ADGRL3: variants seen among roughly 807,000 people sequenced by gnomAD.
ADGRL3 encodes the protein adhesion G protein-coupled receptor L3.
Under a neutral mutation model 153.5 loss-of-function variants are expected in ADGRL3, and 62 were observed. The ratio of observed to expected loss-of-function variants is 0.40; its 90% CI spans 0.33 to 0.50. ADGRL3 has a LOEUF of 0.50. Ranked by LOEUF, ADGRL3 falls within the 20% of genes least tolerant of loss-of-function variation. The pLI is 0.47. For missense variants in ADGRL3, 1,641 were observed against 1,859.4 expected, an observed-to-expected ratio of 0.88 and a Z score of 2.16; for synonymous variants, 710 against 672.5, an observed-to-expected ratio of 1.06 and a Z score of -0.86.
At chr4:61,691,336 T>A (rs548777569) in intron 6 of ADGRL3, among the ~76,000 whole-genome samples, 1 of 152,174 alleles carries the variant, frequency 6.6e-6, no homozygotes, top group Non-Finnish European at 1.5e-5. Flanking sequence ...AAATCCCATT[T>A]ATTATTGGTT....
chr4:61,421,225 T>G (rs1031646925), intron 2 of ADGRL3, among the ~76,000 whole-genome samples: 1 of 152,080 alleles, frequency 6.6e-6, no homozygotes, highest in African/African-American at 2.4e-5. Flanking sequence ...TCCCAGCTAC[T>G]TGGGAGGCTG....
chr4:61,997,414 T>C (rs2099125451), intron 20 of ADGRL3, among the ~76,000 whole-genome samples: 1 of 152,020 alleles, frequency 6.6e-6, no homozygotes, highest in East Asian at 1.9e-4. Flanking sequence ...ATTTTTTGGA[T>C]TTGGGGATGA....
chr4:61,757,960 G>A (rs144459802), intron 8 of ADGRL3, among the ~76,000 whole-genome samples: 13,199 of 152,172 alleles, frequency 0.087, 1,213 homozygotes, highest in African/African-American at 0.23. Context: ...CTGAGTTCTA[G>A]TTTGATTGCA....
At chr4:61,886,196 T>C (rs555830415) in intron 9 of ADGRL3, among the ~76,000 whole-genome samples, 98 of 152,320 alleles carry the variant, frequency 6.4e-4, no homozygotes, top group Middle Eastern at 3.4e-3. Context: ...ACCGATAATA[T>C]GAATGCTTCT....
At chr4:61,680,966 A>G (rs1322346671) in intron 6 of ADGRL3, among the ~76,000 whole-genome samples, 1 of 152,080 alleles carries the variant, frequency 6.6e-6, no homozygotes, top group African/African-American at 2.4e-5. Context: ...CAGTTCCAGT[A>G]TGACTTTTGT....
intron 4 of ADGRL3, among the ~76,000 whole-genome samples, chr4:61,519,386 C>T (rs563472125): frequency 7.9e-5 from 12 of 152,094 alleles, no homozygotes; most frequent in South Asian, 4.1e-4. Context: ...GAGATGAAAA[C>T]GACAGTACAA....
chr4:61,575,333 G>T (rs561672136), intron 4 of ADGRL3, among the ~76,000 whole-genome samples: 1 of 151,996 alleles, frequency 6.6e-6, no homozygotes, highest in East Asian at 1.9e-4. Flanking sequence ...TTAAATTTGT[G>T]TTCTAGTAAT....
intron 19 of ADGRL3, among the ~76,000 whole-genome samples, chr4:61,993,290 C>CTTTTTTTTTTTTTTTTTT (rs761710043): frequency 2.9e-5 from 2 of 69,200 alleles, no homozygotes; most frequent in Non-Finnish European, 5.7e-5. Flanking sequence ...TCTTTCTTTC[C>CTTTTTTTTTTTTTTTTTT]TTTTTTTTTT....
intron 8 of ADGRL3, among the ~76,000 whole-genome samples, chr4:61,747,537 G>A (rs2096683364): frequency 6.9e-6 from 1 of 145,870 alleles, no homozygotes; most frequent in South Asian, 2.2e-4. Flanking sequence ...TCCCTGGGAT[G>A]CAAGGCTGGT....
intron 9 of ADGRL3, among the ~76,000 whole-genome samples, chr4:61,871,568 A>G (rs1010971144): frequency 1.3e-5 from 2 of 152,190 alleles, no homozygotes; most frequent in Admixed American, 1.3e-4. Flanking sequence ...AGACCAGGAA[A>G]ATCCATAAAG....
intron 1 of ADGRL3, among the ~76,000 whole-genome samples, chr4:61,213,374 C>T (rs933874052): frequency 1.3e-5 from 2 of 152,106 alleles, no homozygotes; most frequent in African/African-American, 4.8e-5. Context: ...TTCCATTCTA[C>T]TTGGGTGCTG....
At chr4:61,672,938 C>A (rs1236593988) in intron 5 of ADGRL3, among the ~76,000 whole-genome samples, 1 of 151,842 alleles carries the variant, frequency 6.6e-6, no homozygotes, top group African/African-American at 2.4e-5. Context: ...CTGCCATCAG[C>A]AGATGAATAG....
intron 4 of ADGRL3, among the ~76,000 whole-genome samples, chr4:61,582,316 T>G (rs2098929270): frequency 6.6e-6 from 1 of 152,034 alleles, no homozygotes; most frequent in African/African-American, 2.4e-5. Context: ...ATGCTTTAGC[T>G]ATTTATCCTG....
At chr4:61,959,569 C>T (rs553577314) in intron 17 of ADGRL3, among the ~76,000 whole-genome samples, 1 of 152,226 alleles carries the variant, frequency 6.6e-6, no homozygotes, top group South Asian at 2.1e-4. Context: ...AAAACAGTCA[C>T]AGTTTGGAAC....
intron 13 of ADGRL3, among the ~76,000 whole-genome samples, chr4:61,917,200 T>A (rs959199233): frequency 3.3e-5 from 5 of 152,162 alleles, no homozygotes; most frequent in African/African-American, 1.2e-4. Flanking sequence ...TTCAGAGGCG[T>A]GTCCTCCTAA....
chr4:61,215,698 C>T (rs867321158), intron 1 of ADGRL3, among the ~76,000 whole-genome samples: 1 of 151,662 alleles, frequency 6.6e-6, no homozygotes, highest in Non-Finnish European at 1.5e-5. Context: ...ACTGCAGGCG[C>T]CCGCCACCAC....
Position 61,775,032 on chromosome 4 carries a change from C to T in ADGRL3, c.1400-38777C>T, listed in dbSNP as rs1580763625. On this transcript the variant is annotated intron_variant, in intron 8 of 26. Transcript: ENST00000683033. ...CCTAGTAGAGAGGAGAGAGGGGATA[C>T]CTTTGTAAATTTGTAGTCTGCTTAG... is the stretch of plus-strand genomic sequence containing the variant. Among the ~76,000 whole-genome samples, 3 of 152,124 alleles carry T rather than the reference C, an allele frequency of 2.0e-5. No individual in the cohort carries two copies. The South Asian group carries it at 6.2e-4, about 32-fold the overall frequency.
chr4:61,753,228 GA>G (rs113199384), intron 8 of ADGRL3, among the ~76,000 whole-genome samples: 14,487 of 99,812 alleles, frequency 0.15, 1,407 homozygotes, highest in African/African-American at 0.33. Flanking sequence ...ACATTTCTGT[GA>G]AAAAAAAAAA....
At chr4:61,370,778 G>A (rs2096506928) in intron 1 of ADGRL3, among the ~76,000 whole-genome samples, 1 of 151,954 alleles carries the variant, frequency 6.6e-6, no homozygotes, top group Admixed American at 6.6e-5. Flanking sequence ...CAATTCCTGG[G>A]TATCCTTGTT....
Sources: allele counts gnomAD v4.1 joint callset (sites outside exome capture counted in the v4.1 genomes callset), GRCh38; gene constraint gnomAD v4.1.1; transcripts MANE v1.5; gene names NCBI Gene and HGNC (gene_info 2026-07-23, HGNC 2026-07-21).